MMP26: variants seen among roughly 807,000 people sequenced by gnomAD.
MMP26 encodes matrix metalloproteinase-26.
A neutral mutation model predicts 31.0 loss-of-function variants in MMP26; 33 were observed. The observed-to-expected ratio is 1.06, with a 90% CI of 0.81 to 1.42. MMP26 has a LOEUF of 1.42. Among genes scored for constraint, MMP26 ranks in the 40% most tolerant of loss-of-function variants. MMP26 has a pLI of 0.00. For missense variants in MMP26, 347 were observed against 316.1 expected, an observed-to-expected ratio of 1.10 and a Z score of -0.74; for synonymous variants, 122 against 114.9, an observed-to-expected ratio of 1.06 and a Z score of -0.40.
chr11:4,873,329 A>T (rs536898039), intron 2 of MMP26, among the ~76,000 whole-genome samples: 24 of 152,184 alleles, frequency 1.6e-4, no homozygotes. Flanking sequence ...TTTTTACTAC[A>T]TGTGAATTCT....
At chr11:4,723,948 G>A in intron 1 of MMP26, 1 of 800,350 alleles carries the variant, frequency 1.2e-6, no homozygotes, top group South Asian at 1.4e-5. Context: ...CCAGGTTAAG[G>A]GGACTCAGCA....
intron 2 of MMP26, among the ~76,000 whole-genome samples, chr11:4,824,796 T>A (rs1166520950): frequency 2.6e-5 from 4 of 152,138 alleles, no homozygotes; most frequent in African/African-American, 4.8e-5. Context: ...AGTTTCTGGG[T>A]ATCCTTGATA....
intron 2 of MMP26, chr11:4,832,796 C>T (rs1849664017): frequency 5.9e-6 from 1 of 168,978 alleles, no homozygotes; most frequent in African/African-American, 2.4e-5. Flanking sequence ...ATGTGTTCAT[C>T]CTGAAGACTG....
chr11:4,984,872 G>A (rs1054060441), intron 2 of MMP26, among the ~76,000 whole-genome samples: 1 of 152,154 alleles, frequency 6.6e-6, no homozygotes, highest in Non-Finnish European at 1.5e-5. Context: ...TTCTTTCAAT[G>A]GGATAGAGAG....
intron 1 of MMP26, among the ~76,000 whole-genome samples, chr11:4,708,714 C>G (rs1847816565): frequency 6.6e-6 from 1 of 152,156 alleles, no homozygotes; most frequent in African/African-American, 2.4e-5. Flanking sequence ...ACACTTAGAT[C>G]TCCAGAGAAA....
At chr11:4,803,410 A>T in intron 2 of MMP26, 3 of 1,447,356 alleles carry the variant, frequency 2.1e-6, no homozygotes, top group South Asian at 2.5e-5. Context: ...AATGTAAGTG[A>T]TGGGGATACA....
At chr11:4,710,265 C>G (rs1021097521) in intron 1 of MMP26, 15 of 456,606 alleles carry the variant, frequency 3.3e-5, no homozygotes, top group African/African-American at 2.8e-4. Flanking sequence ...CATTGCCTCC[C>G]CAGAGGAGCA....
chr11:4,962,492 C>T (rs936798922), intron 2 of MMP26, among the ~76,000 whole-genome samples: 1 of 152,126 alleles, frequency 6.6e-6, no homozygotes, highest in African/African-American at 2.4e-5. Flanking sequence ...GCAGAAACTC[C>T]TAGTGGTCAC....
At chr11:4,731,378 A>G (rs376718165) in intron 1 of MMP26, among the ~76,000 whole-genome samples, 86 of 152,312 alleles carry the variant, frequency 5.6e-4, no homozygotes, top group African/African-American at 1.9e-3. Flanking sequence ...GAGGGCCCAC[A>G]ATCATTTCTT....
At chr11:4,883,191 T>C (rs916342323) in intron 2 of MMP26, among the ~76,000 whole-genome samples, 1 of 152,086 alleles carries the variant, frequency 6.6e-6, no homozygotes, top group African/African-American at 2.4e-5. Flanking sequence ...CAGTAATTTT[T>C]AGACCAGAAG....
At chr11:4,727,044 CCG>C (rs1297402076) in intron 1 of MMP26, among the ~76,000 whole-genome samples, 5 of 151,782 alleles carry the variant, frequency 3.3e-5, no homozygotes, top group African/African-American at 7.3e-5. Flanking sequence ...AAACAAAAAT[CCG>C]TAAAAAACAA....
In MMP26 at chr11:4,988,112, TGGCAGA is replaced by T; in HGVS notation, c.-98_-93del. On this transcript the variant is annotated 5_prime_UTR_variant, in exon 3 of 8. Coordinates refer to ENST00000380390, the MANE Select transcript of MMP26 (RefSeq NM_021801.5). ...TCACAGATTCAAAGAAAGGGCAAAC[TGGCAGA>T]GTGAGTCATTGGATGTTGCTGGCAC... is the stretch of plus-strand genomic sequence containing the variant. 9.5e-7 allele frequency: 1 copy of T among 1,049,760 alleles called. No individual in the cohort carries two copies. Among genetic ancestry groups the T allele is most frequent in the Non-Finnish European group, 1.5e-6 (1 of 667,560 alleles). 65.0% of individuals were successfully genotyped at this position (1,049,760 alleles called of 1,614,324 possible).
chr11:4,712,147 A>G (rs1214780609), intron 1 of MMP26: 1 of 152,194 alleles, frequency 6.6e-6, no homozygotes, highest in African/African-American at 2.4e-5. Flanking sequence ...TTATTTTTAT[A>G]TAACTTCACA....
At position 4,954,370 on chromosome 11, in the gene MMP26, T is replaced by C. The variant is rs76720456; in HGVS notation, c.-144-33698T>C. 6.7e-3 allele frequency among the ~76,000 whole-genome samples: 834 copies of C among 125,352 alleles called. 162 individuals are homozygous for C. Among genetic ancestry groups the C allele is most frequent in the African/African-American group, 0.022 (810 of 36,846 alleles). The allele number at this position is 125,352 out of a possible 152,430, so 82.2% of individuals were successfully genotyped here. A position where few individuals can be genotyped will look rare whatever the true frequency, so the allele number is the denominator to read the frequency against. On this transcript the variant is annotated intron_variant, in intron 2 of 7. Coordinates refer to ENST00000380390, the MANE Select transcript of MMP26 (RefSeq NM_021801.5). Reference sequence around the variant, plus strand: ...GAATTTAAAAAAGATGGTGACATACTAACATGATTAAAATGGATAGAGAGA... The same window carrying C: ...GAATTTAAAAAAGATGGTGACATACCAACATGATTAAAATGGATAGAGAGA...
intron 2 of MMP26, among the ~76,000 whole-genome samples, chr11:4,807,118 A>AT (rs1325911280): frequency 3.9e-5 from 6 of 152,058 alleles, no homozygotes; most frequent in South Asian, 2.1e-4. Flanking sequence ...GACTTAAACA[A>AT]TTTTTTTTAA....
At chr11:4,940,579 T>C (rs936357843) in intron 2 of MMP26, among the ~76,000 whole-genome samples, 2 of 152,222 alleles carry the variant, frequency 1.3e-5, no homozygotes, top group Non-Finnish European at 2.9e-5. Flanking sequence ...TCCTCTTTTA[T>C]GCTTGTAGGC....
At chr11:4,948,846 C>A (rs2133609365) in intron 2 of MMP26, among the ~76,000 whole-genome samples, 1 of 124,808 alleles carries the variant, frequency 8.0e-6, no homozygotes, top group African/African-American at 2.7e-5. Context: ...CTGTTTGCAT[C>A]CCCAATGAAA....
At chr11:4,792,974 A>G (rs10836651) in intron 2 of MMP26, among the ~76,000 whole-genome samples, 57,327 of 151,994 alleles carry the variant, frequency 0.38, 11,838 homozygotes, top group African/African-American at 0.52. Context: ...AAAAACAAGC[A>G]ACTAAAATTA....
intron 1 of MMP26, among the ~76,000 whole-genome samples, chr11:4,724,781 A>G (rs1462396549): frequency 6.6e-6 from 1 of 152,228 alleles, no homozygotes; most frequent in Non-Finnish European, 1.5e-5. Flanking sequence ...TGAGACAGAA[A>G]AATCGCAGAT....
Sources: allele counts gnomAD v4.1 joint callset (sites outside exome capture counted in the v4.1 genomes callset), GRCh38; gene constraint gnomAD v4.1.1; transcripts MANE v1.5; gene names NCBI Gene and HGNC (gene_info 2026-07-23, HGNC 2026-07-21).